The following ANKRD62 variants were observed in gnomAD, a reference collection of about 807,000 sequenced individuals.
ANKRD62 encodes ankyrin repeat domain 62, also known as ankyrin repeat domain-containing protein 62.
Under a neutral mutation model 98.8 loss-of-function variants are expected in ANKRD62, and 61 were observed. The observed-to-expected ratio is 0.62, with a 90% confidence interval of 0.50 to 0.76. The LOEUF (loss-of-function observed/expected upper bound fraction) is 0.76, where lower values mean the gene tolerates loss of function less well. Ranked by LOEUF, ANKRD62 falls within the 30% of genes least tolerant of loss-of-function variation. The probability of loss-of-function intolerance (pLI) is 0.00; values close to 1 mark genes in which losing one functional copy is unlikely to be tolerated. For missense variants in ANKRD62, 933 were observed against 1,082.9 expected, an observed-to-expected ratio of 0.86 and a Z score of 1.94; for synonymous variants, 341 against 367.9, an observed-to-expected ratio of 0.93 and a Z score of 0.84.
chr18:12,146,226 G>T, the ANKRD62 span, among the ~76,000 whole-genome samples: 1 of 152,092 alleles, frequency 6.6e-6, no homozygotes, highest in Non-Finnish European at 1.5e-5. Context: ...CTCCCAACCG[G>T]GGTCTCCAGC....
chr18:12,135,434 G>A, the ANKRD62 span, among the ~76,000 whole-genome samples: 1 of 151,218 alleles, frequency 6.6e-6, no homozygotes, highest in East Asian at 1.9e-4. Context: ...TCTTAATCCA[G>A]TCTATCATTG....
chr18:12,173,206 G>A, the ANKRD62 span, among the ~76,000 whole-genome samples: 191 of 152,330 alleles, frequency 1.3e-3, no homozygotes, highest in African/African-American at 4.0e-3. Flanking sequence ...GCTGTAGACT[G>A]GAGCTGTTCC....
In ANKRD62 at chr18:12,125,772, A is replaced by G; in HGVS notation, c.1951A>G (p.Thr651Ala). 6.5e-7 allele frequency: 1 copy of G among 1,548,632 alleles called. No homozygotes were observed. The highest frequency in any genetic ancestry group is 2.0e-5 in the Admixed American group (1 of 51,006). ...AAAACAAAGCATGTCAAGACTGGAA[A>G]CAGAAATGGAATCATACCGTTGTAG... is the stretch of plus-strand genomic sequence containing the variant. ...KEKQSMSRLE[T>A]EMESYRCRLA... The change falls in exon 13 of 14, where the codon ACA (threonine) becomes GCA (alanine). Residue 651 changes from threonine (T) to alanine (A), a missense_variant. Coordinates refer to ENST00000587848, the MANE Select transcript of ANKRD62 (RefSeq NM_001277333.2).
At chr18:12,133,531 C>A (rs1428023900), downstream of ANKRD62, among the ~76,000 whole-genome samples, 2 of 152,160 alleles carry the variant, frequency 1.3e-5, no homozygotes, top group Non-Finnish European at 2.9e-5. Flanking sequence ...AATTTCTTCA[C>A]ATCTTTTCCA....
chr18:12,155,453 A>C, the ANKRD62 span, among the ~76,000 whole-genome samples: 128,432 of 152,010 alleles, frequency 0.84, 54,681 homozygotes, highest in Middle Eastern at 0.97. Flanking sequence ...GTTTCCATTG[A>C]CTTTTTTATT....
At chr18:12,115,365 T>C in intron 9 of ANKRD62, 28 bp from the exon 10 acceptor site, 1 of 1,511,094 alleles carries the variant, frequency 6.6e-7, no homozygotes, top group East Asian at 2.5e-5. Flanking sequence ...TTCGAGGGCA[T>C]TTTGAAACAG....
intron 10 of ANKRD62, among the ~76,000 whole-genome samples, chr18:12,118,565 T>G (rs1299258566): frequency 6.7e-6 from 1 of 149,282 alleles, no homozygotes; most frequent in East Asian, 2.0e-4. Context: ...GCCAAGTTTG[T>G]GTCATCGCAC....
intron 10 of ANKRD62, among the ~76,000 whole-genome samples, chr18:12,115,901 A>G (rs1909654367): frequency 6.6e-6 from 1 of 152,110 alleles, no homozygotes; most frequent in African/African-American, 2.4e-5. Flanking sequence ...TGCAATCATA[A>G]TTATATACAT....
intron 13 of ANKRD62, among the ~76,000 whole-genome samples, chr18:12,127,005 G>GT (rs1274712572): frequency 6.6e-6 from 1 of 152,120 alleles, no homozygotes; most frequent in Non-Finnish European, 1.5e-5. Context: ...GGAAAATGTG[G>GT]TAAATGTTAG....
At position 12,122,296 on chromosome 18, in the gene ANKRD62, G is replaced by A. The variant is rs549952106; in HGVS notation, c.1241-7G>A. 2 of 1,530,564 alleles carry A rather than the reference G, an allele frequency of 1.3e-6. No homozygotes were observed. The highest frequency in any genetic ancestry group is 2.8e-5 in the African/African-American group (2 of 72,658). 94.8% of individuals were successfully genotyped at this position (1,530,564 alleles called of 1,614,324 possible). The stretch of plus-strand genomic sequence containing the variant: ...TTTATCTCTATTTTGTCTTCTCCTG[G>A]TAACAGATTTTGTTAGCCTATCGAA... On this transcript the variant is annotated splice_region_variant and splice_polypyrimidine_tract_variant and intron_variant, in intron 10 of 13. Transcript: ENST00000587848.
At chr18:12,159,971 T>C in the ANKRD62 span, among the ~76,000 whole-genome samples, 2 of 152,344 alleles carry the variant, frequency 1.3e-5, no homozygotes, top group Admixed American at 6.5e-5. Flanking sequence ...GCACACTTAC[T>C]ATAGGTACAA....
At chr18:12,123,550 T>C (rs1489529271) in intron 11 of ANKRD62, among the ~76,000 whole-genome samples, 2 of 152,210 alleles carry the variant, frequency 1.3e-5, no homozygotes, top group East Asian at 1.9e-4. Context: ...GTAAAATACA[T>C]ACTAATCAAC....
the ANKRD62 span, among the ~76,000 whole-genome samples, chr18:12,167,618 G>A: frequency 6.6e-6 from 1 of 152,056 alleles, no homozygotes; most frequent in Non-Finnish European, 1.5e-5. Flanking sequence ...GTCTTTATAG[G>A]AACATGATTT....
chr18:12,131,858 G>A (rs1910010802), downstream of ANKRD62, among the ~76,000 whole-genome samples: 1 of 151,926 alleles, frequency 6.6e-6, no homozygotes, highest in African/African-American at 2.4e-5. Flanking sequence ...TTGTAGCTTT[G>A]TAATAATTCT....
rs1472093029 is a variant in ANKRD62 at position 12,107,341 on chromosome 18, C to CA, written c.940dup (p.Arg314LysfsTer6). ...TGCAGAAATAAGAAAATGGAAGTGTCAAGAAACGTACATGCTGATGACAGT... is the reference window on the plus strand; with the variant it reads ...TGCAGAAATAAGAAAATGGAAGTGTCAAAGAAACGTACATGCTGATGACAGT... On this transcript the variant is annotated frameshift_variant, in exon 8 of 14. Transcript: ENST00000587848. LOFTEE classifies it high-confidence loss of function. 6.7e-7 allele frequency: 1 copy of CA among 1,495,450 alleles called. No individual in the cohort carries two copies. The highest frequency in any genetic ancestry group is 1.4e-5 in the African/African-American group (1 of 71,250). 92.6% of individuals were successfully genotyped at this position (1,495,450 alleles called of 1,614,324 possible).
At chr18:12,102,469 C>A in intron 6 of ANKRD62, 1 of 427,500 alleles carries the variant, frequency 2.3e-6, no homozygotes, top group South Asian at 2.2e-5. Context: ...AGAGAACCGC[C>A]ATCTCATTCC....
chr18:12,150,546 A>G, the ANKRD62 span, among the ~76,000 whole-genome samples: 1 of 152,198 alleles, frequency 6.6e-6, no homozygotes, highest in Non-Finnish European at 1.5e-5. Flanking sequence ...TAAAGGCAGC[A>G]AGAGGGAAAG....
chr18:12,135,781 C>A, the ANKRD62 span, among the ~76,000 whole-genome samples: 9 of 152,120 alleles, frequency 5.9e-5, no homozygotes, highest in African/African-American at 2.2e-4. Flanking sequence ...ATTTGCATTT[C>A]TCTGATGGCC....
At chr18:12,102,786 A>C in intron 6 of ANKRD62, 2 of 988,288 alleles carry the variant, frequency 2.0e-6, no homozygotes, top group Non-Finnish European at 2.4e-6. Flanking sequence ...TGTTATTATA[A>C]AGGTAATATT....
Sources: allele counts gnomAD v4.1 joint callset (sites outside exome capture counted in the v4.1 genomes callset), GRCh38; gene constraint gnomAD v4.1.1; transcripts MANE v1.5; gene names NCBI Gene and HGNC (gene_info 2026-07-23, HGNC 2026-07-21).